The following EPHB1 variants were observed in gnomAD, a reference collection of about 807,000 sequenced individuals.
The protein encoded by EPHB1 is ephrin type-B receptor 1.
Under a neutral mutation model 94.4 loss-of-function variants are expected in EPHB1, and 30 were observed. That is an observed-to-expected ratio of 0.32 (90% CI 0.24 to 0.43). The LOEUF is 0.43. EPHB1 is among the 20% of genes least tolerant of loss of function. The pLI, the probability that EPHB1 is intolerant of heterozygous loss-of-function variation, is 1.00. For missense variants in EPHB1, 1,055 were observed against 1,308.3 expected, an observed-to-expected ratio of 0.81 and a Z score of 2.99; for synonymous variants, 522 against 489.1, an observed-to-expected ratio of 1.07 and a Z score of -0.89.
chr3:135,093,571 A>T (rs1054799640), intron 3 of EPHB1, among the ~76,000 whole-genome samples: 2 of 152,010 alleles, frequency 1.3e-5, no homozygotes, highest in Admixed American at 1.3e-4. Context: ...ATACAAAAAT[A>T]ATTAGCCAGG....
chr3:135,031,198 T>C (rs1193888795), intron 3 of EPHB1, among the ~76,000 whole-genome samples: 2 of 152,236 alleles, frequency 1.3e-5, no homozygotes, highest in African/African-American at 4.8e-5. Context: ...GTCGTCAGGC[T>C]GAGAGCTGTA....
chr3:134,944,842 C>T (rs2039185310), intron 2 of EPHB1, among the ~76,000 whole-genome samples: 1 of 152,142 alleles, frequency 6.6e-6, no homozygotes, highest in Non-Finnish European at 1.5e-5. Context: ...ATAAATAAAA[C>T]CAAAATTTCC....
chr3:135,050,648 G>A lies in EPHB1; in HGVS notation c.806-55800G>A, dbSNP rs532565263. On this transcript the variant is annotated intron_variant, in intron 3 of 15. Transcript: ENST00000398015. ...GCCTAATAGGAGGTGTTTTCGTCAT[G>A]GGGCTGGATCCCTTTTGAATGGCTT... Among the ~76,000 whole-genome samples the A allele has an allele frequency of 5.2e-4, 79 of 152,244 alleles. 1 individual carries two copies. In the South Asian group the frequency reaches 0.016, roughly 31 times the overall value.
At chr3:134,899,942 C>T (rs1354313072) in intron 1 of EPHB1, among the ~76,000 whole-genome samples, 1 of 152,154 alleles carries the variant, frequency 6.6e-6, no homozygotes, top group Non-Finnish European at 1.5e-5. Flanking sequence ...GACTGATGGA[C>T]CCAGAGATTT....
chr3:135,111,270 A>G (rs1939431734), intron 4 of EPHB1, among the ~76,000 whole-genome samples: 1 of 152,200 alleles, frequency 6.6e-6, no homozygotes, highest in Non-Finnish European at 1.5e-5. Flanking sequence ...AAAAATTCTC[A>G]GCCCCAACCC....
At chr3:135,227,138 AAAAT>A (rs1943422003) in intron 12 of EPHB1, among the ~76,000 whole-genome samples, 1 of 152,242 alleles carries the variant, frequency 6.6e-6, no homozygotes, top group African/African-American at 2.4e-5. Flanking sequence ...AAAATCATCT[AAAAT>A]AAAATCTGAA....
intron 12 of EPHB1, among the ~76,000 whole-genome samples, chr3:135,204,531 G>A (rs1691392327): frequency 6.6e-6 from 1 of 151,692 alleles, no homozygotes; most frequent in South Asian, 2.1e-4. Flanking sequence ...TTGAGACAGA[G>A]TCTTTGTCAC....
At chr3:134,854,842 G>A (rs1403956223) in intron 1 of EPHB1, among the ~76,000 whole-genome samples, 3 of 151,256 alleles carry the variant, frequency 2.0e-5, no homozygotes, top group Non-Finnish European at 2.9e-5. Context: ...GAGAATTTTT[G>A]TTGCCTTTTT....
intron 3 of EPHB1, among the ~76,000 whole-genome samples, chr3:134,953,073 G>C (rs1933102527): frequency 6.6e-6 from 1 of 152,114 alleles, no homozygotes; most frequent in South Asian, 2.1e-4. Context: ...GTTACCCTTA[G>C]TCCTTTGGGT....
chr3:135,174,438 T>C (rs1941915213), intron 9 of EPHB1, among the ~76,000 whole-genome samples: 1 of 152,226 alleles, frequency 6.6e-6, no homozygotes, highest in South Asian at 2.1e-4. Flanking sequence ...TGAGTTCTGA[T>C]GTTTTCAGGA....
intron 4 of EPHB1, among the ~76,000 whole-genome samples, chr3:135,118,674 A>T (rs1939811862): frequency 6.6e-6 from 1 of 152,170 alleles, no homozygotes; most frequent in African/African-American, 2.4e-5. Context: ...ATGGGGAAGG[A>T]TCACATTTTG....
At chr3:135,011,836 T>G (rs1935630831) in intron 3 of EPHB1, among the ~76,000 whole-genome samples, 1 of 152,222 alleles carries the variant, frequency 6.6e-6, no homozygotes, top group African/African-American at 2.4e-5. Context: ...TTCTACTAGG[T>G]GGTTTGTAAT....
rs55786916 is a variant in EPHB1 at position 134,888,706 on chromosome 3, C to CAA, written c.59-37094_59-37093dup. 3.0e-3 allele frequency among the ~76,000 whole-genome samples: 333 copies of CAA among 109,538 alleles called. 2 individuals are homozygous for CAA. Among genetic ancestry groups the CAA allele is most frequent in the Middle Eastern group, 0.01 (2 of 192 alleles). The allele number at this position is 109,538 out of a possible 152,430, so 71.9% of individuals were successfully genotyped here. On this transcript the variant is annotated intron_variant, in intron 1 of 15. Coordinates refer to ENST00000398015, the MANE Select transcript of EPHB1 (RefSeq NM_004441.5). ...CTGGCGACAGAGTGAGACTCCATCT[C>CAA]AAAAAAAAAAAAAAAAAGAAAGATA...
chr3:134,999,434 TC>T (rs1318133171), intron 3 of EPHB1, among the ~76,000 whole-genome samples: 24 of 152,172 alleles, frequency 1.6e-4, no homozygotes, highest in Non-Finnish European at 1.5e-5. Flanking sequence ...GAAGGGATGG[TC>T]TGAAAATTCC....
intron 3 of EPHB1, among the ~76,000 whole-genome samples, chr3:134,973,425 C>CTTTTTTTTTTTT (rs10664147): frequency 3.3e-5 from 3 of 91,016 alleles, no homozygotes; most frequent in African/African-American, 9.3e-5. Context: ...GTCTTCTAGT[C>CTTTTTTTTTTTT]TTTTTTTTTT....
chr3:134,960,551 GAC>G (rs1438312808), intron 3 of EPHB1, among the ~76,000 whole-genome samples: 1 of 152,194 alleles, frequency 6.6e-6, no homozygotes, highest in East Asian at 1.9e-4. Context: ...CTATCCATAA[GAC>G]AGAGAGTATC....
At chr3:134,852,095 C>T (rs1157824687) in intron 1 of EPHB1, among the ~76,000 whole-genome samples, 1 of 152,168 alleles carries the variant, frequency 6.6e-6, no homozygotes, top group Non-Finnish European at 1.5e-5. Context: ...CTTTACCCAC[C>T]TCGGGGCGTA....
intron 4 of EPHB1, among the ~76,000 whole-genome samples, chr3:135,113,953 G>C (rs1939570993): frequency 6.6e-6 from 1 of 152,196 alleles, no homozygotes; most frequent in South Asian, 2.1e-4. Context: ...GCAAGGTTCA[G>C]TAGAAAAGTC....
At chr3:135,136,111 G>A (rs1169712470) in intron 5 of EPHB1, among the ~76,000 whole-genome samples, 1 of 152,156 alleles carries the variant, frequency 6.6e-6, no homozygotes. Flanking sequence ...GTGGTGTTCT[G>A]TCCTAAAAGT....
Sources: allele counts gnomAD v4.1 joint callset (sites outside exome capture counted in the v4.1 genomes callset), GRCh38; gene constraint gnomAD v4.1.1; transcripts MANE v1.5; gene names NCBI Gene and HGNC (gene_info 2026-07-23, HGNC 2026-07-21).